Variants in SEMA7A observed in about 807,000 individuals in gnomAD.
The protein encoded by SEMA7A is semaphorin 7A (JohnMiltonHagen blood group), also known as semaphorin-7A.
SEMA7A carries 21 observed loss-of-function variants against 67.5 expected under a neutral mutation model. The observed-to-expected ratio is 0.31, with a 90% confidence interval of 0.22 to 0.45. The LOEUF (loss-of-function observed/expected upper bound fraction) is 0.45. Ranked by LOEUF, SEMA7A falls within the 20% of genes least tolerant of loss-of-function variation. The pLI is 1.00. For synonymous variants in SEMA7A, 364 were observed against 368.5 expected (o/e 0.99, Z 0.14); for missense variants, 774 against 908.6 (o/e 0.85, Z 1.90).
chr15:74,427,944 C>T (rs1328748415), intron 1 of SEMA7A, among the ~76,000 whole-genome samples: 1 of 152,248 alleles, frequency 6.6e-6, no homozygotes, highest in Non-Finnish European at 1.5e-5. Context: ...AGGCTGGCTG[C>T]CCTCCATGAT....
chr15:74,414,392 C>A lies in SEMA7A; in HGVS notation c.1294+155G>T, dbSNP rs144997630. ...TCCAGGAAGCTCTCCCTGCCTGACT[C>A]TTCCACACCCACACACATTAACCCC... On this transcript the variant is annotated intron_variant, in intron 10 of 13. Coordinates refer to ENST00000261918, the MANE Select transcript of SEMA7A (RefSeq NM_003612.5). The surrounding 1 kb of genome is among the most constrained non-coding windows in gnomAD (Gnocchi z 4.1). Among the ~76,000 whole-genome samples the A allele has an allele frequency of 4.7e-3, 716 of 152,342 alleles. 4 individuals are homozygous for A. Among genetic ancestry groups the A allele is most frequent in the African/African-American group, 0.016 (682 of 41,578 alleles).
rs144512279 is a variant in SEMA7A at position 74,418,827 on chromosome 15, C to T, written c.304G>A (p.Glu102Lys). Reference sequence around the variant, plus strand: ...GTGCGCACAGATGCGTTCTTGCCCTCGGGGAAGTCAAAGAGGTAGACCTTG... The same window carrying T: ...GTGCGCACAGATGCGTTCTTGCCCTTGGGGAAGTCAAAGAGGTAGACCTTG... ...RGKVYLFDFP[E>K]GKNASVRTVN... The change falls in exon 2 of 14, where the codon GAG (glutamate) becomes AAG (lysine). Residue 102 changes from glutamate (E) to lysine (K), a missense_variant. This residue lies in a region of SEMA7A where 347 missense variants were observed against 353.2 expected (regional missense o/e 0.98). Coordinates refer to ENST00000261918, the MANE Select transcript of SEMA7A (RefSeq NM_003612.5). 44 of 1,613,730 alleles carry T rather than the reference C, an allele frequency of 2.7e-5. No homozygotes were observed. Among genetic ancestry groups the T allele is most frequent in the Non-Finnish European group, 3.5e-5 (41 of 1,179,980 alleles).
In SEMA7A at chr15:74,417,946, G is replaced by T. The variant is rs756966808; in HGVS notation, c.396C>A (p.Leu132=). 3.1e-6 allele frequency: 5 copies of T among 1,613,272 alleles called. No individual in the cohort carries two copies. The highest frequency in any genetic ancestry group is 1.7e-6 in the Non-Finnish European group (2 of 1,180,014). Residue 132 remains leucine (L), a synonymous_variant, in exon 4 of 14, where the codon CTC becomes CTA. Coordinates refer to ENST00000261918, the MANE Select transcript of SEMA7A (RefSeq NM_003612.5). ...DKRDCENYIT[L]LERRSEGLLA... is the part of the protein sequence containing the mutation. The stretch of plus-strand genomic sequence containing the variant: ...GCAGCCCCTCACTCCGCCTCTCCAG[G>T]AGAGTGATGTAGTTCTCGCAGTCCT...
At chr15:74,430,502 C>G (rs188660561) in intron 1 of SEMA7A, among the ~76,000 whole-genome samples, 4 of 152,178 alleles carry the variant, frequency 2.6e-5, no homozygotes, top group Non-Finnish European at 4.4e-5. Flanking sequence ...CTGAACCAGG[C>G]TCCCGACCTC....
At chr15:74,433,419 T>C (rs2061109012) in intron 1 of SEMA7A, among the ~76,000 whole-genome samples, 1 of 151,552 alleles carries the variant, frequency 6.6e-6, no homozygotes, top group African/African-American at 2.4e-5. Flanking sequence ...GGACCCAGAG[T>C]GGCTCGGGGC....
At position 74,411,558 on chromosome 15, in the gene SEMA7A, T is replaced by C; in HGVS notation, c.1575A>G (p.Glu525=). ...ACGAGGGATCCCGGCCAACGTACCGTTCGGAGCTGTAGATGGAGATGCAGC... is the reference window on the plus strand; with the variant it reads ...ACGAGGGATCCCGGCCAACGTACCGCTCGGAGCTGTAGATGGAGATGCAGC... ...QGRCISIYSS[E]RSVLQSINPA... Residue 525 remains glutamate (E), a splice_region_variant and synonymous_variant, in exon 12 of 14, where the codon GAA becomes GAG. Transcript: ENST00000261918. This position sits in a 1 kb window ranked among gnomAD's most constrained non-coding sequence, Gnocchi z 4.4. 1 of 1,567,786 alleles carries C rather than the reference T, an allele frequency of 6.4e-7. No homozygotes were observed. The highest frequency in any genetic ancestry group is 8.7e-7 in the Non-Finnish European group (1 of 1,155,596).
In SEMA7A at chr15:74,411,534, C is replaced by G; in HGVS notation, c.1577+22G>C. On this transcript the variant is annotated intron_variant, in intron 12 of 13. Coordinates refer to ENST00000261918, the MANE Select transcript of SEMA7A (RefSeq NM_003612.5). The surrounding 1 kb of genome is among the most constrained non-coding windows in gnomAD (Gnocchi z 4.4). The stretch of plus-strand genomic sequence containing the variant: ...TCCCATGCCCACCTTCTCCCAGGGA[C>G]GAGGGATCCCGGCCAACGTACCGTT... The G allele has an allele frequency of 6.5e-7, 1 of 1,544,866 alleles. No homozygotes were observed. The highest frequency in any genetic ancestry group is 2.3e-5 in the East Asian group (1 of 44,266).
intron 1 of SEMA7A, among the ~76,000 whole-genome samples, chr15:74,431,942 C>T (rs1462757225): frequency 6.6e-6 from 1 of 152,248 alleles, no homozygotes; most frequent in East Asian, 1.9e-4. Flanking sequence ...CAGTGAACTG[C>T]GGGCGGGGGG....
chr15:74,418,268 C>T lies in SEMA7A; in HGVS notation c.372G>A (p.Arg124=). The change falls in exon 3 of 14, where the codon CGG becomes CGA. Residue 124 remains arginine, a splice_region_variant and synonymous_variant. Coordinates refer to ENST00000261918, the MANE Select transcript of SEMA7A (RefSeq NM_003612.5). ...GSTKGSCLDK[R]DCENYITLLE... ...CCTCCATACCCCCTCCCCCACTCAC[C>T]CGCTTATCCAGACAGGACCCCTTTG... is the stretch of plus-strand genomic sequence containing the variant. 2.5e-6 allele frequency: 4 copies of T among 1,612,926 alleles called. No homozygotes were observed. Among genetic ancestry groups the T allele is most frequent in the Non-Finnish European group, 3.4e-6 (4 of 1,179,572 alleles).
rs1406869426 is a variant in SEMA7A, at chr15:74,411,154, G to C, written c.1639+141C>G. The stretch of plus-strand genomic sequence containing the variant: ...CCGTCTCGCTCATCCCACCAAGAGG[G>C]CTCCCTCTGCAGGACTGTATCCTGC... On this transcript the variant is annotated intron_variant, in intron 13 of 13. Transcript: ENST00000261918. This position sits in a 1 kb window ranked among gnomAD's most constrained non-coding sequence, Gnocchi z 4.4. The C allele has an allele frequency of 1.5e-6, 2 of 1,319,040 alleles. No individual in the cohort carries two copies. Among genetic ancestry groups the C allele is most frequent in the African/African-American group, 3.0e-5 (2 of 67,412 alleles). The allele number at this position is 1,319,040 out of a possible 1,614,324, so 81.7% of individuals were successfully genotyped here.
In SEMA7A at chr15:74,414,739, G is replaced by C. The variant is rs566520642; in HGVS notation, c.1102C>G (p.Pro368Ala). The C allele has an allele frequency of 6.2e-7, 1 of 1,614,146 alleles. No homozygotes were observed. The highest frequency in any genetic ancestry group is 8.5e-7 in the Non-Finnish European group (1 of 1,180,036). ...TCTGTGGGTATCGGCTGCTGGTCTG[G>C]GAGGCACTGGGCAAGGAGAGCAGGC... ...LPNPRPGKCL[P>A]DQQPIPTETF... The change falls in exon 10 of 14, where the codon CCA (proline) becomes GCA (alanine). Residue 368 changes from proline (P) to alanine (A), a missense_variant. This residue lies in a region of SEMA7A where 427 missense variants were observed against 555.4 expected (regional missense o/e 0.77). Coordinates refer to ENST00000261918, the MANE Select transcript of SEMA7A (RefSeq NM_003612.5). The surrounding 1 kb of genome is among the most constrained non-coding windows in gnomAD (Gnocchi z 4.1).
chr15:74,416,017 A>G (rs913281705), intron 7 of SEMA7A, 32 bp from the exon 8 acceptor site: 22 of 1,602,488 alleles, frequency 1.4e-5, no homozygotes, highest in African/African-American at 2.7e-5. Flanking sequence ...GAGGCCCCTC[A>G]GCACCTGCCC....
chr15:74,415,211 C>A (rs1050207519), intron 8 of SEMA7A, among the ~76,000 whole-genome samples: 3 of 152,172 alleles, frequency 2.0e-5, no homozygotes, highest in Admixed American at 6.5e-5. Flanking sequence ...CCATCATAGG[C>A]TGAGCAGTTC....
intron 1 of SEMA7A, among the ~76,000 whole-genome samples, chr15:74,425,678 C>T (rs980595153): frequency 2.6e-5 from 4 of 152,180 alleles, no homozygotes; most frequent in East Asian, 1.9e-4. Flanking sequence ...CCCTGGCATC[C>T]GTTTTGAATA....
In SEMA7A at chr15:74,423,950, T is replaced by G. The variant is rs1016314537; in HGVS notation, c.179-4998A>C. Among the ~76,000 whole-genome samples the G allele has an allele frequency of 6.6e-6, 1 of 152,204 alleles. No individual in the cohort carries two copies. The highest frequency in any genetic ancestry group is 2.4e-5 in the African/African-American group (1 of 41,452). Reference sequence around the variant, plus strand: ...TTAGGTTCTAGATTAGCTAGTCGCCTGGCAGGGGCAGAGCCTGTGTGCTGG... The same window carrying G: ...TTAGGTTCTAGATTAGCTAGTCGCCGGGCAGGGGCAGAGCCTGTGTGCTGG... On this transcript the variant is annotated intron_variant, in intron 1 of 13. Transcript: ENST00000261918. This position sits in a 1 kb window ranked among gnomAD's most constrained non-coding sequence, Gnocchi z 4.1.
chr15:74,409,980 A>G lies in SEMA7A; in HGVS notation c.*644T>C, dbSNP rs2060885812. 7.8e-6 allele frequency: 1 copy of G among 127,698 alleles called. No individual in the cohort carries two copies. The highest frequency in any genetic ancestry group is 3.0e-5 in the African/African-American group (1 of 33,564). The allele number at this position is 127,698 out of a possible 1,614,324, so 7.9% of individuals were successfully genotyped here. A position where few individuals can be genotyped will look rare whatever the true frequency, so the allele number is the denominator to read the frequency against. On this transcript the variant is annotated 3_prime_UTR_variant, in exon 14 of 14. Coordinates refer to ENST00000261918, the MANE Select transcript of SEMA7A (RefSeq NM_003612.5). ...ATGTAGTTTTGGTATTTTCATACAG[A>G]TGCAGTCGGAAGTAGCTATACATGA...
In SEMA7A at chr15:74,418,406, A is replaced by G; in HGVS notation, c.331-97T>C. The stretch of plus-strand genomic sequence containing the variant: ...CTCAGGATAAGCCCCAAAGGAAGCA[A>G]CCATTATTCTCATCTGACAGATGAG... On this transcript the variant is annotated intron_variant, in intron 2 of 13. Transcript: ENST00000261918. 3 of 1,215,064 alleles carry G rather than the reference A, an allele frequency of 2.5e-6. No homozygotes were observed. The South Asian group carries it at 3.9e-5, about 16-fold the overall frequency. 75.3% of individuals were successfully genotyped at this position (1,215,064 alleles called of 1,614,324 possible). A position where few individuals can be genotyped will look rare whatever the true frequency, so the allele number is the denominator to read the frequency against.
Position 74,411,465 on chromosome 15 carries a change from G to A in SEMA7A, c.1577+91C>T, listed in dbSNP as rs540619309. 3 of 1,542,406 alleles carry A rather than the reference G, an allele frequency of 1.9e-6. No individual in the cohort carries two copies. Among genetic ancestry groups the A allele is most frequent in the Middle Eastern group, 3.5e-4 (2 of 5,674 alleles). On this transcript the variant is annotated intron_variant, in intron 12 of 13. Coordinates refer to ENST00000261918, the MANE Select transcript of SEMA7A (RefSeq NM_003612.5). This position sits in a 1 kb window ranked among gnomAD's most constrained non-coding sequence, Gnocchi z 4.4. ...CAGAGAGGAGGGTCCCACAAGAAAG[G>A]CCCAGTACCGCCACCTCCTCCAGCC...
chr15:74,418,188 G>GATTC lies in SEMA7A; in HGVS notation c.372+79_372+80insGAAT, dbSNP rs2060968991. On this transcript the variant is annotated intron_variant, in intron 3 of 13. Transcript: ENST00000261918. ...TCTGGGACTCGTGGGGCAGGGCCAT[G>GATTC]CTTCCTTCCTTAGACCCTCAGGGTC... 2.4e-5 allele frequency: 34 copies of GATTC among 1,439,766 alleles called. 1 individual carries two copies. The South Asian group carries it at 3.9e-4, about 16-fold the overall frequency. 89.2% of individuals were successfully genotyped at this position (1,439,766 alleles called of 1,614,324 possible). A position where few individuals can be genotyped will look rare whatever the true frequency, so the allele number is the denominator to read the frequency against.
Sources: gnomAD v4.1 joint callset for allele counts (sites outside exome capture counted in the v4.1 genomes callset) on GRCh38, gnomAD v4.1.1 for gene constraint, gnomAD v4.1.1 regional missense constraint, Gnocchi (gnomAD v3.1) non-coding constraint, MANE v1.5 for transcripts, NCBI Gene and HGNC (gene_info 2026-07-23, HGNC 2026-07-21) for gene names.